The following NSUN7 variants were observed in gnomAD, a reference collection of about 807,000 sequenced individuals.
NSUN7 encodes NOP2/Sun RNA methyltransferase family member 7, also known as protein NSUN7.
A neutral mutation model predicts 58.5 loss-of-function variants in NSUN7; 39 were observed. The ratio of observed to expected loss-of-function variants is 0.67; its 90% CI spans 0.52 to 0.87. The LOEUF (loss-of-function observed/expected upper bound fraction) is 0.87, where lower values mean the gene tolerates loss of function less well. Among genes scored for constraint, NSUN7 ranks in the 40% least tolerant of loss-of-function variants. The pLI, the probability that NSUN7 is intolerant of heterozygous loss-of-function variation, is 0.00. For missense variants in NSUN7, 765 were observed against 844.1 expected (o/e 0.91, Z 1.16); for synonymous variants, 278 against 303.7 (o/e 0.92, Z 0.88).
At chr4:40,779,191 G>C (rs999932652) in intron 7 of NSUN7, among the ~76,000 whole-genome samples, 3 of 152,072 alleles carry the variant, frequency 2.0e-5, no homozygotes, top group Non-Finnish European at 4.4e-5. Flanking sequence ...ATGTAGTGAT[G>C]TGCAGCTGTA....
intron 7 of NSUN7, among the ~76,000 whole-genome samples, chr4:40,789,573 T>C (rs1449851108): frequency 5.8e-5 from 2 of 34,580 alleles, no homozygotes; most frequent in Non-Finnish European, 1.1e-4. Context: ...AATAGGGGGC[T>C]GGGTGGGAGG....
intron 4 of NSUN7, among the ~76,000 whole-genome samples, chr4:40,764,233 C>G (rs1274802798): frequency 6.0e-5 from 7 of 117,370 alleles, no homozygotes; most frequent in Non-Finnish European, 1.2e-4. Flanking sequence ...CCCCCTCCCC[C>G]CACCCCACAA....
intron 7 of NSUN7, among the ~76,000 whole-genome samples, chr4:40,783,863 A>G (rs896031630): frequency 1.3e-5 from 2 of 151,956 alleles, no homozygotes; most frequent in Non-Finnish European, 2.9e-5. Flanking sequence ...AAAAAAAAAG[A>G]TAACTCACAG....
intron 2 of NSUN7, 49 bp from the exon 3 acceptor site, chr4:40,760,385 C>G: frequency 1.4e-6 from 2 of 1,428,286 alleles, no homozygotes; most frequent in Non-Finnish European, 2.0e-6. Flanking sequence ...CCAGAGTTTT[C>G]ATTTTCCGCT....
In NSUN7 at chr4:40,810,400, A is replaced by T. The variant is rs539060632; in HGVS notation, c.*1461A>T. Reference sequence around the variant, plus strand: ...GCCTGGACAACATGGCGAAACCCCAAAACCCCATCTCTACAAAAAATACAA... The same window carrying T: ...GCCTGGACAACATGGCGAAACCCCATAACCCCATCTCTACAAAAAATACAA... On this transcript the variant is annotated 3_prime_UTR_variant, in exon 12 of 12. Coordinates refer to ENST00000381782, the MANE Select transcript of NSUN7 (RefSeq NM_024677.6). The T allele has an allele frequency of 6.6e-6, 1 of 151,960 alleles. No individual in the cohort carries two copies. Among genetic ancestry groups the T allele is most frequent in the East Asian group, 1.9e-4 (1 of 5,174 alleles). The allele number at this position is 151,960 out of a possible 1,614,324, so 9.4% of individuals were successfully genotyped here.
At position 40,776,322 on chromosome 4, in the gene NSUN7, A is replaced by G. The variant is rs1474363322; in HGVS notation, c.1036+63A>G. ...CTGCAAGATTTTAGAAACGTTAAAA[A>G]GTTTTAATTTATTAGTTTTTTTGTA... On this transcript the variant is annotated intron_variant, in intron 7 of 11. Transcript: ENST00000381782. 18 of 1,180,684 alleles carry G rather than the reference A, an allele frequency of 1.5e-5. No homozygotes were observed. In the East Asian group the frequency reaches 4.2e-4, roughly 28 times the overall value. The allele number at this position is 1,180,684 out of a possible 1,614,324, so 73.1% of individuals were successfully genotyped here. A position where few individuals can be genotyped will look rare whatever the true frequency, so the allele number is the denominator to read the frequency against.
rs553409850 is a variant in NSUN7 at position 40,774,223 on chromosome 4, G to C, written c.489-42G>C. On this transcript the variant is annotated intron_variant, in intron 4 of 11. Transcript: ENST00000381782. ...TTTCCAGTGGAAAATTGATAGTCTT[G>C]TCTCAAATGCAATAGATTAAGGATG... is the stretch of plus-strand genomic sequence containing the variant. The C allele has an allele frequency of 2.2e-5, 34 of 1,570,038 alleles. No homozygotes were observed. The South Asian group carries it at 3.6e-4, about 17-fold the overall frequency.
intron 2 of NSUN7, among the ~76,000 whole-genome samples, chr4:40,758,531 C>T (rs1741284897): frequency 6.6e-6 from 1 of 151,860 alleles, no homozygotes; most frequent in African/African-American, 2.4e-5. Context: ...TCCTATCTCC[C>T]AAATGAAATT....
At chr4:40,799,592 GAC>G (rs1743490119) in intron 10 of NSUN7, among the ~76,000 whole-genome samples, 1 of 151,856 alleles carries the variant, frequency 6.6e-6, no homozygotes, top group African/African-American at 2.4e-5. Context: ...TAGCATAAAA[GAC>G]ACAAGTAATA....
chr4:40,790,654 G>A lies in NSUN7; in HGVS notation c.1089G>A (p.Arg363=). The A allele has an allele frequency of 1.9e-6, 3 of 1,596,790 alleles. No individual in the cohort carries two copies. Among genetic ancestry groups the A allele is most frequent in the Non-Finnish European group, 8.6e-7 (1 of 1,168,210 alleles). ...KFINIESKDH[R]LQKVKVILLL... ...TTAACATTGAATCAAAGGATCACAG[G>A]TTACAGAAAGTTAAAGTGATTTTGC... The change falls in exon 8 of 12, where the codon AGG becomes AGA. Residue 363 remains arginine (R), a synonymous_variant. Transcript: ENST00000381782.
chr4:40,760,749 T>C (rs543760913), intron 3 of NSUN7, among the ~76,000 whole-genome samples: 2 of 150,868 alleles, frequency 1.3e-5, no homozygotes, highest in South Asian at 2.1e-4. Flanking sequence ...TAATCCCAGC[T>C]ACTTGGGAGG....
intron 8 of NSUN7, among the ~76,000 whole-genome samples, 189 bp from the exon 9 acceptor site, chr4:40,794,186 A>T (rs1400403544): frequency 6.6e-6 from 1 of 152,242 alleles, no homozygotes; most frequent in East Asian, 1.9e-4. Context: ...CAATATTAAA[A>T]TGAAACAGAA....
At chr4:40,798,506 C>T (rs1743419154) in intron 9 of NSUN7, among the ~76,000 whole-genome samples, 1 of 152,112 alleles carries the variant, frequency 6.6e-6, no homozygotes, top group African/African-American at 2.4e-5. Flanking sequence ...TTCATGGTAA[C>T]CTGCAGTATT....
chr4:40,786,132 C>A, intron 7 of NSUN7: 1 of 1,587,746 alleles, frequency 6.3e-7, no homozygotes, highest in Non-Finnish European at 8.6e-7. Flanking sequence ...GGCTATCAGA[C>A]CAGACTTCTA....
At position 40,808,972 on chromosome 4, in the gene NSUN7, A is replaced by G. The variant is rs762351562; in HGVS notation, c.*33A>G. Reference sequence around the variant, plus strand: ...GTGTTTTTTATAGGGGCCAAAGAGCAGTTGATTTTTTTTCAAAGTCTAGTA... The same window carrying G: ...GTGTTTTTTATAGGGGCCAAAGAGCGGTTGATTTTTTTTCAAAGTCTAGTA... On this transcript the variant is annotated 3_prime_UTR_variant, in exon 12 of 12. Coordinates refer to ENST00000381782, the MANE Select transcript of NSUN7 (RefSeq NM_024677.6). 6.8e-7 allele frequency: 1 copy of G among 1,467,480 alleles called. No individual in the cohort carries two copies. The highest frequency in any genetic ancestry group is 1.4e-5 in the South Asian group (1 of 73,128). 90.9% of individuals were successfully genotyped at this position (1,467,480 alleles called of 1,614,324 possible).
In NSUN7 at chr4:40,775,993, C is replaced by T. The variant is rs529258668; in HGVS notation, c.826-56C>T. 4.5e-6 allele frequency: 5 copies of T among 1,102,612 alleles called. No homozygotes were observed. In the South Asian group the frequency reaches 8.0e-5, roughly 18 times the overall value. The allele number at this position is 1,102,612 out of a possible 1,614,324, so 68.3% of individuals were successfully genotyped here. ...TCTTTTATGTAAAGCAAATAGAAGT[C>T]AGCTTATATTTCTAGCCATACCCTT... is the stretch of plus-strand genomic sequence containing the variant. On this transcript the variant is annotated intron_variant, in intron 6 of 11. Coordinates refer to ENST00000381782, the MANE Select transcript of NSUN7 (RefSeq NM_024677.6). The surrounding 1 kb of genome is among the most constrained non-coding windows in gnomAD (Gnocchi z 4.3).
chr4:40,756,930 A>G (rs1560544608), intron 2 of NSUN7, among the ~76,000 whole-genome samples: 4 of 152,090 alleles, frequency 2.6e-5, no homozygotes, highest in Admixed American at 2.6e-4. Flanking sequence ...AATAAGTTAC[A>G]TAAAAACAAA....
chr4:40,786,138 T>C, intron 7 of NSUN7: 1 of 1,608,326 alleles, frequency 6.2e-7, no homozygotes, highest in Non-Finnish European at 8.5e-7. Flanking sequence ...CAGACCAGAC[T>C]TCTATCCTGT....
intron 11 of NSUN7, 108 bp from the exon 12 acceptor site, chr4:40,808,199 A>G (rs1215796999): frequency 8.2e-7 from 1 of 1,219,976 alleles, no homozygotes; most frequent in Non-Finnish European, 1.1e-6. Context: ...TATTTCTTTT[A>G]GTATAATAAA....
Sources: allele counts gnomAD v4.1 joint callset (sites outside exome capture counted in the v4.1 genomes callset), GRCh38; gene constraint gnomAD v4.1.1; non-coding constraint Gnocchi (gnomAD v3.1); transcripts MANE v1.5; gene names NCBI Gene and HGNC (gene_info 2026-07-23, HGNC 2026-07-21).